Variants in CDKAL1 observed in about 807,000 individuals in gnomAD.
CDKAL1 encodes the protein threonylcarbamoyladenosine tRNA methylthiotransferase.
A neutral mutation model predicts 68.2 loss-of-function variants in CDKAL1; 32 were observed. That is an observed-to-expected ratio of 0.47 (90% CI 0.35 to 0.63). The LOEUF is 0.63. CDKAL1 is among the 30% of genes least tolerant of loss of function. CDKAL1 has a pLI of 0.00. For missense variants in CDKAL1, 606 were observed against 696.7 expected, an observed-to-expected ratio of 0.87 and a Z score of 1.47; for synonymous variants, 234 against 244.3, an observed-to-expected ratio of 0.96 and a Z score of 0.39.
At chr6:21,117,291 T>G (rs921681106) in intron 13 of CDKAL1, among the ~76,000 whole-genome samples, 2 of 38,080 alleles carry the variant, frequency 5.3e-5, no homozygotes, top group Non-Finnish European at 9.4e-5. Flanking sequence ...ATAAATTGTT[T>G]TTTTTTTTTT....
intron 7 of CDKAL1, among the ~76,000 whole-genome samples, chr6:20,769,936 G>A (rs1027333794): frequency 1.3e-5 from 2 of 152,094 alleles, no homozygotes; most frequent in Admixed American, 6.6e-5. Flanking sequence ...TTGAACAGAC[G>A]GAAATGAGAA....
intron 5 of CDKAL1, among the ~76,000 whole-genome samples, chr6:20,689,423 G>C (rs1770775157): frequency 6.6e-6 from 1 of 152,142 alleles, no homozygotes; most frequent in East Asian, 1.9e-4. Flanking sequence ...TTTGGTATCT[G>C]CCAGTTGGTG....
intron 8 of CDKAL1, among the ~76,000 whole-genome samples, chr6:20,798,077 A>G (rs974902120): frequency 3.9e-5 from 6 of 151,986 alleles, no homozygotes; most frequent in Admixed American, 6.6e-5. Flanking sequence ...CGGCCTCCCA[A>G]AGTGCTGGGA....
chr6:21,209,543 A>G lies in CDKAL1; in HGVS notation c.1548+8269A>G, dbSNP rs552560127. Among the ~76,000 whole-genome samples, 11 of 152,316 alleles carry G rather than the reference A, an allele frequency of 7.2e-5. No individual in the cohort carries two copies. In the South Asian group the frequency reaches 2.3e-3, roughly 32 times the overall value. On this transcript the variant is annotated intron_variant, in intron 15 of 15. Coordinates refer to ENST00000274695, the MANE Select transcript of CDKAL1 (RefSeq NM_017774.3). ...GGCTGTTCCTCTGGTAATACTGCTA[A>G]TCAATTGTGACCCTGGTAGGGAGGG...
chr6:21,205,282 C>T (rs569020922), intron 15 of CDKAL1, among the ~76,000 whole-genome samples: 11 of 152,184 alleles, frequency 7.2e-5, no homozygotes, highest in Non-Finnish European at 1.5e-4. Context: ...GATATCTCTT[C>T]GAGTCCCTGC....
intron 12 of CDKAL1, among the ~76,000 whole-genome samples, chr6:21,071,414 C>T (rs1441254509): frequency 2.0e-5 from 3 of 152,142 alleles, no homozygotes; most frequent in African/African-American, 7.2e-5. Context: ...CTGAGGCCTC[C>T]CCAGCCATGC....
At chr6:20,632,790 C>G (rs1271428874) in intron 4 of CDKAL1, among the ~76,000 whole-genome samples, 2 of 152,158 alleles carry the variant, frequency 1.3e-5, no homozygotes, top group Non-Finnish European at 2.9e-5. Flanking sequence ...CTTAGTTCAT[C>G]GAGGGACTAT....
At chr6:20,649,210 C>G in intron 4 of CDKAL1, 83 bp from the exon 5 acceptor site, 1 of 872,820 alleles carries the variant, frequency 1.1e-6, no homozygotes, top group Non-Finnish European at 1.9e-6. Context: ...CTCTCCCCTA[C>G]CGCAGCAATC....
intron 10 of CDKAL1, among the ~76,000 whole-genome samples, chr6:20,973,583 G>A (rs1482416602): frequency 6.6e-6 from 1 of 152,086 alleles, no homozygotes; most frequent in Non-Finnish European, 1.5e-5. Flanking sequence ...ATCCAACATA[G>A]GATCATAAGC....
At chr6:20,768,196 C>G (rs908551809) in intron 7 of CDKAL1, among the ~76,000 whole-genome samples, 1 of 152,132 alleles carries the variant, frequency 6.6e-6, no homozygotes, top group African/African-American at 2.4e-5. Flanking sequence ...CTATGAAGAG[C>G]TGTGTGCAAA....
chr6:20,896,477 AT>A (rs1761699994), intron 9 of CDKAL1, among the ~76,000 whole-genome samples: 1 of 152,174 alleles, frequency 6.6e-6, no homozygotes, highest in Non-Finnish European at 1.5e-5. Context: ...ACCAAAACAA[AT>A]TCGTAAGTCC....
At chr6:20,593,549 ATTC>A (rs1435284922) in intron 4 of CDKAL1, among the ~76,000 whole-genome samples, 1 of 139,914 alleles carries the variant, frequency 7.1e-6, no homozygotes, top group African/African-American at 2.7e-5. Flanking sequence ...CGTCTATTCG[ATTC>A]TTCTCTCTTT....
intron 11 of CDKAL1, among the ~76,000 whole-genome samples, chr6:21,028,130 T>G (rs1229613098): frequency 6.6e-6 from 1 of 152,156 alleles, no homozygotes; most frequent in Non-Finnish European, 1.5e-5. Flanking sequence ...CAGTGATGAA[T>G]GGAAGCCCAG....
chr6:20,602,777 G>C (rs62397566), intron 4 of CDKAL1, among the ~76,000 whole-genome samples: 35,845 of 152,016 alleles, frequency 0.24, 4,919 homozygotes, highest in Middle Eastern at 0.36. Context: ...CAGTTTTCTG[G>C]GCTGGGTTTG....
intron 11 of CDKAL1, among the ~76,000 whole-genome samples, chr6:21,041,879 A>T (rs1319747491): frequency 6.6e-6 from 1 of 152,184 alleles, no homozygotes; most frequent in Admixed American, 6.5e-5. Context: ...ATTGCTTTTG[A>T]TAAAATAAGT....
At chr6:20,574,061 T>G (rs1184582025) in intron 4 of CDKAL1, among the ~76,000 whole-genome samples, 1 of 152,200 alleles carries the variant, frequency 6.6e-6, no homozygotes, top group African/African-American at 2.4e-5. Flanking sequence ...GTGGCTAAAT[T>G]GTTTATATTA....
At chr6:20,900,353 C>G (rs1021409502) in intron 9 of CDKAL1, among the ~76,000 whole-genome samples, 1 of 152,172 alleles carries the variant, frequency 6.6e-6, no homozygotes, top group African/African-American at 2.4e-5. Context: ...AGATAGTCTT[C>G]CAACTGCTGT....
intron 9 of CDKAL1, among the ~76,000 whole-genome samples, chr6:20,943,779 TA>T (rs1764104093): frequency 1.3e-5 from 2 of 151,504 alleles, no homozygotes; most frequent in African/African-American, 4.9e-5. Flanking sequence ...TATTGATTGA[TA>T]TTTTTTTTTT....
intron 8 of CDKAL1, among the ~76,000 whole-genome samples, chr6:20,812,021 G>GC (rs1776841243): frequency 6.6e-6 from 1 of 151,998 alleles, no homozygotes; most frequent in Non-Finnish European, 1.5e-5. Flanking sequence ...TCGACCTCTG[G>GC]CCTGGATCCA....
Sources: allele counts gnomAD v4.1 joint callset (sites outside exome capture counted in the v4.1 genomes callset), GRCh38; gene constraint gnomAD v4.1.1; transcripts MANE v1.5; gene names NCBI Gene and HGNC (gene_info 2026-07-23, HGNC 2026-07-21).